NOL4: variants seen among roughly 807,000 people sequenced by gnomAD.
The protein encoded by NOL4 is nucleolar protein 4, also known as cancer/testis antigen 125.
A neutral mutation model predicts 75.9 loss-of-function variants in NOL4; 17 were observed. That is an observed-to-expected ratio of 0.22 (90% CI 0.15 to 0.34). The LOEUF is 0.34. NOL4 is among the 10% of genes least tolerant of loss of function. NOL4 has a pLI of 1.00. For missense variants in NOL4, 614 were observed against 793.5 expected (o/e 0.77, Z 2.72); for synonymous variants, 292 against 289.9 (o/e 1.01, Z -0.07).
intron 5 of NOL4, among the ~76,000 whole-genome samples, chr18:34,047,014 A>G (rs897130280): frequency 6.6e-6 from 1 of 152,114 alleles, no homozygotes; most frequent in African/African-American, 2.4e-5. Context: ...TAAGAGTACC[A>G]GGTTCTGCAT....
At chr18:33,856,247 T>C (rs981584985) in intron 10 of NOL4, among the ~76,000 whole-genome samples, 7 of 152,038 alleles carry the variant, frequency 4.6e-5, no homozygotes, top group African/African-American at 1.7e-4. Context: ...AGGAAATAAG[T>C]GATGTTATTA....
At chr18:33,997,022 C>T (rs549898631) in intron 6 of NOL4, among the ~76,000 whole-genome samples, 11 of 151,848 alleles carry the variant, frequency 7.2e-5, no homozygotes, top group African/African-American at 2.2e-4. Context: ...ATGCATAATT[C>T]GCAAATATAT....
chr18:34,160,489 T>A lies in NOL4; in HGVS notation c.265-30469A>T, dbSNP rs369901899. The stretch of plus-strand genomic sequence containing the variant: ...ATGGAGATGCTTGTGAATCTATGTA[T>A]CATTGAATGATTGTTAGCTAACTAG... On this transcript the variant is annotated intron_variant, in intron 1 of 10. Transcript: ENST00000261592. Among the ~76,000 whole-genome samples the A allele has an allele frequency of 9.0e-4, 137 of 152,294 alleles. 1 individual carries two copies. The highest frequency in any genetic ancestry group is 3.2e-3 in the African/African-American group (131 of 41,564).
intron 10 of NOL4, among the ~76,000 whole-genome samples, chr18:33,878,253 G>A (rs529173186): frequency 6.6e-6 from 1 of 152,186 alleles, no homozygotes; most frequent in East Asian, 1.9e-4. Context: ...CTGCCCCAGA[G>A]TGCTCTCTTT....
intron 2 of NOL4, among the ~76,000 whole-genome samples, chr18:34,115,241 T>G (rs2079796941): frequency 6.6e-6 from 1 of 152,130 alleles, no homozygotes; most frequent in South Asian, 2.1e-4. Flanking sequence ...CATACACCAG[T>G]AAGGAAGCTG....
chr18:33,875,098 C>T (rs527997668), intron 10 of NOL4, among the ~76,000 whole-genome samples: 1 of 152,090 alleles, frequency 6.6e-6, no homozygotes, highest in South Asian at 2.1e-4. Flanking sequence ...TCTCCCCCCA[C>T]GGAGTTTGTA....
chr18:34,086,683 T>C (rs1421474011), intron 5 of NOL4, among the ~76,000 whole-genome samples: 4 of 152,162 alleles, frequency 2.6e-5, no homozygotes, highest in Non-Finnish European at 5.9e-5. Flanking sequence ...GCCACAAGCA[T>C]ATTTTTACTA....
At chr18:33,878,859 G>A (rs796699786) in intron 10 of NOL4, among the ~76,000 whole-genome samples, 8 of 152,082 alleles carry the variant, frequency 5.3e-5, no homozygotes, top group South Asian at 2.1e-4. Flanking sequence ...ACTTTGACCC[G>A]TGCTGAAAAT....
At chr18:34,149,215 C>T (rs1014968292) in intron 1 of NOL4, among the ~76,000 whole-genome samples, 1 of 151,482 alleles carries the variant, frequency 6.6e-6, no homozygotes, top group Admixed American at 6.6e-5. Context: ...TGCTAATATT[C>T]ATAGTGATTT....
intron 9 of NOL4, among the ~76,000 whole-genome samples, chr18:33,917,039 T>C (rs1025158517): frequency 2.1e-4 from 32 of 152,338 alleles, no homozygotes; most frequent in African/African-American, 7.7e-4. Context: ...CCAGGCACTA[T>C]GCAGAAGGCT....
chr18:34,056,821 G>T (rs766750727), intron 5 of NOL4, among the ~76,000 whole-genome samples: 1 of 152,116 alleles, frequency 6.6e-6, no homozygotes, highest in African/African-American at 2.4e-5. Flanking sequence ...AGGGATTCTG[G>T]TCCATATATT....
At chr18:34,171,539 C>T (rs2033041943) in intron 1 of NOL4, among the ~76,000 whole-genome samples, 1 of 152,128 alleles carries the variant, frequency 6.6e-6, no homozygotes, top group South Asian at 2.1e-4. Flanking sequence ...TTTGTACCCT[C>T]CTTCAAGAAG....
intron 10 of NOL4, among the ~76,000 whole-genome samples, chr18:33,859,586 T>C (rs1294083415): frequency 6.6e-6 from 1 of 152,166 alleles, no homozygotes; most frequent in South Asian, 2.1e-4. Flanking sequence ...GGCTTTATTA[T>C]TGGGGTACAT....
At chr18:34,032,329 C>T (rs1417409636) in intron 5 of NOL4, among the ~76,000 whole-genome samples, 1 of 152,084 alleles carries the variant, frequency 6.6e-6, no homozygotes, top group Non-Finnish European at 1.5e-5. Context: ...TGGGGATCAC[C>T]CCACCCCTGC....
intron 5 of NOL4, among the ~76,000 whole-genome samples, chr18:34,033,868 C>A (rs368207139): frequency 4.6e-5 from 7 of 151,724 alleles, no homozygotes; most frequent in Admixed American, 1.3e-4. Context: ...ATCTTATGGG[C>A]CAGTAGAGAA....
intron 9 of NOL4, among the ~76,000 whole-genome samples, chr18:33,917,512 T>G (rs78731633): frequency 0.014 from 2,183 of 151,980 alleles, 17 homozygotes; most frequent in Middle Eastern, 0.037. Context: ...TAATTAATGT[T>G]TTTACAACAG....
intron 10 of NOL4, among the ~76,000 whole-genome samples, chr18:33,856,434 T>A (rs944397993): frequency 6.6e-6 from 1 of 152,032 alleles, no homozygotes. Flanking sequence ...GAACCATTGC[T>A]GATAGAGAAA....
intron 10 of NOL4, among the ~76,000 whole-genome samples, chr18:33,881,082 T>A (rs867258624): frequency 6.6e-6 from 1 of 151,888 alleles, no homozygotes; most frequent in African/African-American, 2.4e-5. Flanking sequence ...CAATCTCACA[T>A]CCCTTGTAAG....
intron 6 of NOL4, among the ~76,000 whole-genome samples, chr18:34,008,652 A>G (rs1600233158): frequency 6.6e-6 from 1 of 151,920 alleles, no homozygotes; most frequent in Admixed American, 6.6e-5. Flanking sequence ...TATCTCCTTT[A>G]CCAGCCCGCC....
Sources: gnomAD v4.1 joint callset for allele counts (sites outside exome capture counted in the v4.1 genomes callset) on GRCh38, gnomAD v4.1.1 for gene constraint, MANE v1.5 for transcripts, NCBI Gene and HGNC (gene_info 2026-07-23, HGNC 2026-07-21) for gene names.